The following SAMTOR variants were observed in gnomAD, a reference collection of about 807,000 sequenced individuals.
SAMTOR encodes the protein UPF0532 protein C7orf60.
At chr7:112,872,945 G>T in the SAMTOR span, among the ~76,000 whole-genome samples, 3 of 151,104 alleles carry the variant, frequency 2.0e-5, no homozygotes, top group Admixed American at 6.6e-5. Flanking sequence ...GTGTGTGCAC[G>T]TGCGTGCACA....
the SAMTOR span, among the ~76,000 whole-genome samples, chr7:112,918,666 A>C: frequency 1.3e-5 from 2 of 152,224 alleles, no homozygotes; most frequent in Non-Finnish European, 2.9e-5. Flanking sequence ...TTGGATAAAG[A>C]GTCAAGACCC....
chr7:112,843,886 A>G, the SAMTOR span, among the ~76,000 whole-genome samples: 1,621 of 152,202 alleles, frequency 0.011, 29 homozygotes, highest in African/African-American at 0.037. Context: ...TCAACAAAAT[A>G]CTTGCAAACC....
chr7:112,903,310 C>G, the SAMTOR span, among the ~76,000 whole-genome samples: 1 of 121,732 alleles, frequency 8.2e-6, no homozygotes, highest in Non-Finnish European at 1.7e-5. Context: ...GAAACTGTCT[C>G]AAAACAAAAA....
At chr7:112,857,796 A>C in the SAMTOR span, among the ~76,000 whole-genome samples, 1 of 150,650 alleles carries the variant, frequency 6.6e-6, no homozygotes. Context: ...GCCCATGAAG[A>C]AGCAACCTGG....
the SAMTOR span, among the ~76,000 whole-genome samples, chr7:112,852,865 C>A: frequency 6.6e-6 from 1 of 151,816 alleles, no homozygotes; most frequent in Non-Finnish European, 1.5e-5. Flanking sequence ...ACTGTCAGAT[C>A]CAATGATAAT....
chr7:112,873,049 T>TA, the SAMTOR span, among the ~76,000 whole-genome samples: 39 of 148,122 alleles, frequency 2.6e-4, no homozygotes, highest in African/African-American at 6.9e-4. Flanking sequence ...AAAACTCTGC[T>TA]AAAAAAAAAA....
At chr7:112,873,942 G>A in the SAMTOR span, among the ~76,000 whole-genome samples, 6 of 151,850 alleles carry the variant, frequency 4.0e-5, no homozygotes, top group Non-Finnish European at 7.4e-5. Context: ...GCTAACAAAC[G>A]TTGAAAAAAA....
chr7:112,869,641 A>C, the SAMTOR span, among the ~76,000 whole-genome samples: 1 of 152,166 alleles, frequency 6.6e-6, no homozygotes, highest in African/African-American at 2.4e-5. Flanking sequence ...AGGAACAAGC[A>C]CAAGAACTTC....
chr7:112,906,493 C>T, the SAMTOR span, among the ~76,000 whole-genome samples: 8 of 151,406 alleles, frequency 5.3e-5, no homozygotes, highest in Non-Finnish European at 7.4e-5. Flanking sequence ...AATCACTATA[C>T]AGAAAACCTT....
At chr7:112,846,836 A>T in the SAMTOR span, among the ~76,000 whole-genome samples, 1 of 152,250 alleles carries the variant, frequency 6.6e-6, no homozygotes, top group East Asian at 1.9e-4. Flanking sequence ...TGAGCATTCT[A>T]GAAATTTTCT....
chr7:112,831,949 A>G, the SAMTOR span, among the ~76,000 whole-genome samples: 1 of 152,118 alleles, frequency 6.6e-6, no homozygotes, highest in South Asian at 2.1e-4. Context: ...AATAAACCAA[A>G]TATAACAAAA....
chr7:112,861,531 A>G, the SAMTOR span, among the ~76,000 whole-genome samples: 1 of 152,170 alleles, frequency 6.6e-6, no homozygotes, highest in African/African-American at 2.4e-5. Context: ...GACATATAGG[A>G]GTTGGCTTCT....
the SAMTOR span, among the ~76,000 whole-genome samples, chr7:112,883,397 G>A: frequency 1.3e-4 from 20 of 152,128 alleles, no homozygotes; most frequent in East Asian, 3.9e-3. Context: ...TATATCTTGA[G>A]TACTAAAGAA....
chr7:112,930,676 G>C, the SAMTOR span, among the ~76,000 whole-genome samples: 1 of 152,132 alleles, frequency 6.6e-6, no homozygotes, highest in African/African-American at 2.4e-5. Context: ...TAAAAGAGCT[G>C]TTATTTTTAA....
the SAMTOR span, among the ~76,000 whole-genome samples, chr7:112,908,590 T>C: frequency 6.6e-6 from 1 of 152,124 alleles, no homozygotes; most frequent in African/African-American, 2.4e-5. Context: ...GTAATTCTCA[T>C]ATTAAGTAAA....
At chr7:112,857,104 G>A in the SAMTOR span, among the ~76,000 whole-genome samples, 1 of 21,154 alleles carries the variant, frequency 4.7e-5, no homozygotes, top group Middle Eastern at 0.033. Context: ...TTTTTTTTTT[G>A]AGACGGAGTC....
chr7:112,914,561 T>C, the SAMTOR span, among the ~76,000 whole-genome samples: 2 of 152,112 alleles, frequency 1.3e-5, no homozygotes, highest in African/African-American at 4.8e-5. Flanking sequence ...CCAAAGTCAA[T>C]ATAAATGCTG....
chr7:112,865,533 C>T, the SAMTOR span, among the ~76,000 whole-genome samples: 1,607 of 151,576 alleles, frequency 0.011, 27 homozygotes, highest in African/African-American at 0.036. Context: ...GCCTAGGCCT[C>T]CCAAAGTGCT....
the SAMTOR span, among the ~76,000 whole-genome samples, chr7:112,864,831 T>A: frequency 6.6e-6 from 1 of 152,342 alleles, no homozygotes; most frequent in East Asian, 1.9e-4. Flanking sequence ...CACAGCTGAC[T>A]GCAACCTTGA....
Sources: gnomAD v4.1 joint callset for allele counts (sites outside exome capture counted in the v4.1 genomes callset) on GRCh38, gnomAD v4.1.1 for gene constraint, MANE v1.5 for transcripts, NCBI Gene and HGNC (gene_info 2026-07-23, HGNC 2026-07-21) for gene names.